Variants in AP3M1 observed in about 807,000 individuals in gnomAD.
The protein encoded by AP3M1 is adaptor related protein complex 3 subunit mu 1.
In AP3M1, 29 loss-of-function variants were observed where a neutral mutation model predicts 42.6. The ratio of observed to expected loss-of-function variants is 0.68; its 90% CI spans 0.51 to 0.93. The LOEUF (loss-of-function observed/expected upper bound fraction) is 0.93. AP3M1 is among the 40% of genes least tolerant of loss of function. The pLI is 0.00. For synonymous variants in AP3M1, 178 were observed against 175.3 expected, an observed-to-expected ratio of 1.02 and a Z score of -0.12; for missense variants, 416 against 510.2, an observed-to-expected ratio of 0.82 and a Z score of 1.78.
At chr10:74,142,640 A>G (rs181921400) in intron 1 of AP3M1, among the ~76,000 whole-genome samples, 6 of 152,328 alleles carry the variant, frequency 3.9e-5, no homozygotes, top group Middle Eastern at 3.4e-3. Context: ...GTTATTAGCA[A>G]TAAACTCTGA....
chr10:74,124,549 C>A, intron 7 of AP3M1, 25 bp from the exon 8 acceptor site: 1 of 1,555,806 alleles, frequency 6.4e-7, no homozygotes, highest in South Asian at 1.2e-5. Context: ...AAATGAAAAA[C>A]AAATAGAACC....
At position 74,123,783 on chromosome 10, in the gene AP3M1, C is replaced by A. The variant is rs1840537545; in HGVS notation, c.*27G>T. 10 of 1,568,180 alleles carry A rather than the reference C, an allele frequency of 6.4e-6. No homozygotes were observed. Among genetic ancestry groups the A allele is most frequent in the Non-Finnish European group, 8.8e-6 (10 of 1,138,482 alleles). On this transcript the variant is annotated 3_prime_UTR_variant, in exon 9 of 9. Coordinates refer to ENST00000355264, the MANE Select transcript of AP3M1 (RefSeq NM_012095.6). ...ATCGTAATGACACTTGGAAAACAAA[C>A]TGGTCCTGAGGAATTTTGGCCTCTT...
At chr10:74,138,515 C>T (rs1841017664) in intron 1 of AP3M1, 133 bp from the exon 2 acceptor site, 2 of 621,300 alleles carry the variant, frequency 3.2e-6, no homozygotes, top group Non-Finnish European at 5.1e-6. Context: ...AAAAATCAAT[C>T]AACATGATAT....
At chr10:74,127,436 G>A (rs183690822) in intron 6 of AP3M1, among the ~76,000 whole-genome samples, 220 of 152,054 alleles carry the variant, frequency 1.4e-3, no homozygotes, top group African/African-American at 5.0e-3. Flanking sequence ...TGGAGGTCAG[G>A]AGTTTGAGAC....
intron 1 of AP3M1, among the ~76,000 whole-genome samples, chr10:74,140,279 G>A (rs558266026): frequency 2.0e-5 from 3 of 152,344 alleles, no homozygotes; most frequent in South Asian, 2.1e-4. Context: ...CCACGTCCTC[G>A]TCTGCCTTGG....
At chr10:74,139,071 T>C (rs1201480106) in intron 1 of AP3M1, 1 of 151,992 alleles carries the variant, frequency 6.6e-6, no homozygotes, top group Non-Finnish European at 1.5e-5. Flanking sequence ...CCATCATTTC[T>C]ATTCAACATG....
intron 1 of AP3M1, among the ~76,000 whole-genome samples, chr10:74,144,052 C>T (rs1841246449): frequency 6.6e-6 from 1 of 152,148 alleles, no homozygotes; most frequent in South Asian, 2.1e-4. Flanking sequence ...AGCTCCGCCT[C>T]CCAGGTTCAC....
chr10:74,130,451 AT>A (rs1047424457), intron 4 of AP3M1, among the ~76,000 whole-genome samples: 115 of 145,928 alleles, frequency 7.9e-4, no homozygotes, highest in Admixed American at 1.0e-3. Flanking sequence ...GTAGAATATA[AT>A]TTTTTTTTTT....
At chr10:74,125,640 T>C (rs1840591129) in intron 7 of AP3M1, among the ~76,000 whole-genome samples, 1 of 152,240 alleles carries the variant, frequency 6.6e-6, no homozygotes, top group Admixed American at 6.5e-5. Flanking sequence ...GAGAAAATCA[T>C]CTGCTACAGT....
intron 2 of AP3M1, 98 bp from the exon 3 acceptor site, chr10:74,136,901 T>C: frequency 1.3e-6 from 1 of 781,416 alleles, no homozygotes; most frequent in Non-Finnish European, 1.9e-6. Flanking sequence ...GTAGCATAAT[T>C]CATTGCTTAA....
In AP3M1 at chr10:74,123,789, C is replaced by T; in HGVS notation, c.*21G>A. 1 of 1,591,226 alleles carries T rather than the reference C, an allele frequency of 6.3e-7. No homozygotes were observed. Among genetic ancestry groups the T allele is most frequent in the Non-Finnish European group, 8.6e-7 (1 of 1,159,346 alleles). On this transcript the variant is annotated 3_prime_UTR_variant, in exon 9 of 9. Coordinates refer to ENST00000355264, the MANE Select transcript of AP3M1 (RefSeq NM_012095.6). ...ATGACACTTGGAAAACAAACTGGTCCTGAGGAATTTTGGCCTCTTCTCATG... is the reference window on the plus strand; with the variant it reads ...ATGACACTTGGAAAACAAACTGGTCTTGAGGAATTTTGGCCTCTTCTCATG...
At chr10:74,139,501 G>T (rs555364636) in intron 1 of AP3M1, among the ~76,000 whole-genome samples, 1 of 151,702 alleles carries the variant, frequency 6.6e-6, no homozygotes, top group Non-Finnish European at 1.5e-5. Flanking sequence ...ACAATTTCAG[G>T]CCGGGCGTGG....
At position 74,126,282 on chromosome 10, in the gene AP3M1, T is replaced by C. The variant is rs1409492502; in HGVS notation, c.877A>G (p.Ile293Val). The change falls in exon 7 of 9, where the codon ATA becomes GTA. Residue 293 changes from isoleucine to valine, a missense_variant. Ile to Val is a conservative substitution (Grantham distance 29). Transcript: ENST00000355264. ...ATATTCTGCTTTGGTCCAATTGTTA[T>C]ATCAAATCTGCCGCAAGAACTGTTC... ...KENSSCGRFD[I>V]TIGPKQNMGK... The C allele has an allele frequency of 9.3e-6, 15 of 1,614,098 alleles. No individual in the cohort carries two copies. The highest frequency in any genetic ancestry group is 4.5e-5 in the East Asian group (2 of 44,902).
At chr10:74,143,938 C>T (rs936196296) in intron 1 of AP3M1, among the ~76,000 whole-genome samples, 1 of 152,160 alleles carries the variant, frequency 6.6e-6, no homozygotes, top group African/African-American at 2.4e-5. Flanking sequence ...GTACCCAATA[C>T]TGAAGTTTTA....
At chr10:74,144,162 C>T (rs973101280) in intron 1 of AP3M1, among the ~76,000 whole-genome samples, 8 of 152,308 alleles carry the variant, frequency 5.3e-5, no homozygotes, top group Middle Eastern at 3.4e-3. Context: ...GGGGTTTCAC[C>T]ATGTTAGCCA....
intron 1 of AP3M1, among the ~76,000 whole-genome samples, chr10:74,147,841 A>T (rs1221368983): frequency 6.6e-6 from 1 of 152,088 alleles, no homozygotes; most frequent in Non-Finnish European, 1.5e-5. Flanking sequence ...TCTACTAAAA[A>T]TACAAAAGTT....
chr10:74,132,318 G>A (rs371985799), intron 4 of AP3M1, among the ~76,000 whole-genome samples: 8 of 152,274 alleles, frequency 5.3e-5, no homozygotes, highest in Admixed American at 1.3e-4. Flanking sequence ...AATTACAGGC[G>A]TGATCCACCA....
At chr10:74,129,849 T>C in intron 5 of AP3M1, 58 bp downstream of exon 5, 1 of 1,072,116 alleles carries the variant, frequency 9.3e-7, no homozygotes, top group South Asian at 1.3e-5. Flanking sequence ...TCATTTCATT[T>C]AGTACTTCAC....
intron 6 of AP3M1, among the ~76,000 whole-genome samples, chr10:74,127,978 T>C (rs955496430): frequency 7.9e-5 from 12 of 151,012 alleles, no homozygotes; most frequent in Non-Finnish European, 1.5e-4. Flanking sequence ...TGCATGCCTG[T>C]AATCCCAGCT....
Sources: allele counts gnomAD v4.1 joint callset (sites outside exome capture counted in the v4.1 genomes callset), GRCh38; gene constraint gnomAD v4.1.1; transcripts MANE v1.5; gene names NCBI Gene and HGNC (gene_info 2026-07-23, HGNC 2026-07-21).